GOLGA8M: variants seen among roughly 807,000 people sequenced by gnomAD.
GOLGA8M encodes the protein golgin subfamily A member 8M.
A neutral mutation model predicts 87.7 loss-of-function variants in GOLGA8M; 34 were observed. The observed-to-expected ratio is 0.39, with a 90% CI of 0.29 to 0.52. The LOEUF (loss-of-function observed/expected upper bound fraction) is 0.52. Ranked by LOEUF, GOLGA8M falls within the 20% of genes least tolerant of loss-of-function variation. GOLGA8M has a pLI of 0.80. For missense variants in GOLGA8M, 396 were observed against 682.2 expected (o/e 0.58, Z 4.67); for synonymous variants, 138 against 250.2 (o/e 0.55, Z 4.23).
In GOLGA8M at chr15:28,705,759, A is replaced by G. The variant is rs1406752523; in HGVS notation, c.875-20T>C. On this transcript the variant is annotated intron_variant, in intron 11 of 18. Coordinates refer to ENST00000563027, the MANE Select transcript of GOLGA8M (RefSeq NM_001282468.3). The stretch of plus-strand genomic sequence containing the variant: ...GTTCAGCTGAGAAAGGAAGCAGACA[A>G]TAAGGGCCTCTGGATTCTCGGAAAA... The G allele has an allele frequency of 7.1e-6, 11 of 1,557,410 alleles. No homozygotes were observed. Among genetic ancestry groups the G allele is most frequent in the East Asian group, 3.7e-5 (1 of 27,104 alleles).
chr15:28,708,696 C>G (rs529168990), intron 4 of GOLGA8M, among the ~76,000 whole-genome samples: 6 of 151,892 alleles, frequency 4.0e-5, no homozygotes, highest in Non-Finnish European at 7.4e-5. Context: ...GCCCCTCCTT[C>G]TGGCAGCTTG....
In GOLGA8M at chr15:28,708,090, C is replaced by T. The variant is rs551994395; in HGVS notation, c.396+36G>A. On this transcript the variant is annotated intron_variant, in intron 6 of 18. Coordinates refer to ENST00000563027, the MANE Select transcript of GOLGA8M (RefSeq NM_001282468.3). Reference sequence around the variant, plus strand: ...GAAAGAGAAGGAAAGAAACATTCTCCGGAGGACAGGAGGAAACTGCACACC... The same window carrying T: ...GAAAGAGAAGGAAAGAAACATTCTCTGGAGGACAGGAGGAAACTGCACACC... 3.8e-3 allele frequency: 6,039 copies of T among 1,606,788 alleles called. 185 individuals are homozygous for T. In the African/African-American group the frequency reaches 0.07, roughly 19 times the overall value.
intron 13 of GOLGA8M, among the ~76,000 whole-genome samples, chr15:28,704,819 T>G (rs1390955958): frequency 6.9e-6 from 1 of 145,472 alleles, no homozygotes; most frequent in African/African-American, 2.6e-5. Flanking sequence ...ACTCCCGACC[T>G]CAAGTGATTC....
intron 4 of GOLGA8M, among the ~76,000 whole-genome samples, chr15:28,708,769 T>C (rs2080116426): frequency 6.6e-6 from 1 of 152,078 alleles, no homozygotes; most frequent in South Asian, 2.1e-4. Context: ...CAGGTACGGT[T>C]CTTTACAGCA....
At chr15:28,704,041 C>T in intron 13 of GOLGA8M, 124 bp from the exon 14 acceptor site, 4 of 1,544,736 alleles carry the variant, frequency 2.6e-6, no homozygotes, top group South Asian at 2.3e-5. Context: ...TCGGCCACCG[C>T]TTTGCCTCAA....
chr15:28,707,743 C>G lies in GOLGA8M; in HGVS notation c.591+5G>C. On this transcript the variant is annotated splice_donor_5th_base_variant and intron_variant, in intron 8 of 18. Coordinates refer to ENST00000563027, the MANE Select transcript of GOLGA8M (RefSeq NM_001282468.3). ...CCAGGGGATGGGGCAGGTGGTTGGA[C>G]TCACCTGGTTTGCCTTCTTCTTCTG... The G allele has an allele frequency of 2.6e-6, 4 of 1,544,304 alleles. No individual in the cohort carries two copies. The highest frequency in any genetic ancestry group is 3.5e-6 in the Non-Finnish European group (4 of 1,151,982).
At position 28,702,931 on chromosome 15, in the gene GOLGA8M, G is replaced by A. The variant is rs903837220; in HGVS notation, c.1369-186C>T. 43 of 975,264 alleles carry A rather than the reference G, an allele frequency of 4.4e-5. 1 individual carries two copies. Among genetic ancestry groups the A allele is most frequent in the Non-Finnish European group, 5.0e-5 (41 of 827,520 alleles). The allele number at this position is 975,264 out of a possible 1,614,324, so 60.4% of individuals were successfully genotyped here. On this transcript the variant is annotated intron_variant, in intron 15 of 18. Coordinates refer to ENST00000563027, the MANE Select transcript of GOLGA8M (RefSeq NM_001282468.3). ...CCCTGGGGCTGCAGGGCCTCTGGCT[G>A]CCTCTGGCTCCTTCTGGGCCGAGGC...
intron 1 of GOLGA8M, chr15:28,711,844 C>A (rs2080204583): frequency 1.0e-6 from 1 of 984,682 alleles, no homozygotes; most frequent in East Asian, 1.1e-4. Context: ...GCACAAAGAA[C>A]CCAGGGAGGT....
chr15:28,704,020 G>C, intron 13 of GOLGA8M, 103 bp from the exon 14 acceptor site: 13 of 1,556,868 alleles, frequency 8.4e-6, no homozygotes, highest in African/African-American at 1.4e-5. Context: ...TGCAACTTTT[G>C]GCAGGCCATA....
At chr15:28,712,491 C>G (rs1012866415), upstream of GOLGA8M, among the ~76,000 whole-genome samples, 1 of 151,374 alleles carries the variant, frequency 6.6e-6, no homozygotes. Context: ...TGCTCCAAGC[C>G]CATTGGTCAA....
chr15:28,702,812 G>T (rs1266235986), intron 15 of GOLGA8M, 67 bp from the exon 16 acceptor site: 4 of 1,578,128 alleles, frequency 2.5e-6, no homozygotes, highest in Non-Finnish European at 3.4e-6. Context: ...TTCAAGTCAT[G>T]GAGAAGGTGG....
At chr15:28,708,835 G>C (rs536548302) in intron 4 of GOLGA8M, among the ~76,000 whole-genome samples, 3 of 150,818 alleles carry the variant, frequency 2.0e-5, no homozygotes, top group South Asian at 4.3e-4. Context: ...TTCCATTCTC[G>C]GGGGCCTTTA....
Position 28,702,114 on chromosome 15 carries a change from C to G in GOLGA8M, c.1739G>C (p.Ser580Thr), listed in dbSNP as rs201665783. 9,587 of 1,572,856 alleles carry G rather than the reference C, an allele frequency of 6.1e-3. 63 individuals carry two copies. The highest frequency in any genetic ancestry group is 0.01 in the African/African-American group (726 of 72,452). The change falls in exon 19 of 19, where the codon AGC becomes ACC. Residue 580 changes from serine (S) to threonine (T), a missense_variant. Around this residue, in one of 12 missense-constraint regions of GOLGA8M, gnomAD observed 35 missense variants for 61.4 expected, o/e 0.57. Transcript: ENST00000563027. ...ADKHGDLCEV[S>T]LTSSAQGEAR... Reference sequence around the variant, plus strand: ...CTCTCCTTGGGCAGAGGAGGTGAGGCTCACCTCACAAAGATCTTTGGAGAG... The same window carrying G: ...CTCTCCTTGGGCAGAGGAGGTGAGGGTCACCTCACAAAGATCTTTGGAGAG...
At chr15:28,711,317 C>T (rs1188206500) in intron 1 of GOLGA8M, among the ~76,000 whole-genome samples, 1 of 152,052 alleles carries the variant, frequency 6.6e-6, no homozygotes, top group Non-Finnish European at 1.5e-5. Flanking sequence ...GCAAATGTCA[C>T]TTCAGAGACC....
intron 15 of GOLGA8M, chr15:28,702,975 C>G (rs1187986037): frequency 1.0e-6 from 1 of 962,766 alleles, no homozygotes; most frequent in Non-Finnish European, 1.2e-6. Context: ...GAGCCAGGCG[C>G]TGGCAGCCAC....
rs2079766737 is a variant in GOLGA8M, at chr15:28,700,792, T to C, written c.*1162A>G. On this transcript the variant is annotated 3_prime_UTR_variant, in exon 19 of 19. Transcript: ENST00000563027. ...GAAGAATAGGTATTAGCCAAAGAGG[T>C]CTAGATGGTAAAATCAATCTTCAAG... Among the ~76,000 whole-genome samples, 1 of 151,724 alleles carries C rather than the reference T, an allele frequency of 6.6e-6. No individual in the cohort carries two copies. The highest frequency in any genetic ancestry group is 6.6e-5 in the Admixed American group (1 of 15,242).
Position 28,702,735 on chromosome 15 carries a change from A to C in GOLGA8M, c.1379T>G (p.Met460Arg), listed in dbSNP as rs748904210. ...GTCTGCCTTCTCCTCCAGGTGGTCCATAAAGCTGCTCTGGAGCCAAAATAT... is the reference window on the plus strand; with the variant it reads ...GTCTGCCTTCTCCTCCAGGTGGTCCCTAAAGCTGCTCTGGAGCCAAAATAT... Reference protein sequence around the residue: ...PESREAMSSFMDHLEEKADLS... With the variant: ...PESREAMSSFRDHLEEKADLS... The change falls in exon 16 of 19, where the codon ATG (methionine) becomes AGG (arginine). Residue 460 changes from methionine (M) to arginine (R), a missense_variant. By Grantham distance (91) the Met-to-Arg change is moderately conservative (BLOSUM62 -1). Transcript: ENST00000563027. 3 of 1,600,878 alleles carry C rather than the reference A, an allele frequency of 1.9e-6. No homozygotes were observed. The South Asian group carries it at 3.3e-5, about 18-fold the overall frequency.
chr15:28,707,139 G>T (rs1031630330), intron 8 of GOLGA8M, among the ~76,000 whole-genome samples: 15 of 135,736 alleles, frequency 1.1e-4, no homozygotes, highest in Non-Finnish European at 2.2e-4. Flanking sequence ...AAACACCCAG[G>T]TCTATCCAAT....
rs1276925532 is a variant in GOLGA8M, at chr15:28,702,682, G to A, written c.1432C>T (p.Leu478Phe). The change falls in exon 16 of 19, where the codon CTT (leucine) becomes TTT (phenylalanine). Residue 478 changes from leucine (L) to phenylalanine (F), a missense_variant. This residue lies in a region of GOLGA8M where 173 missense variants were observed against 150.2 expected (regional missense o/e 1.15). Transcript: ENST00000563027. ...DLSELVKKQE[L>F]RFIQYWQERC... ...TCTTGCCAGTATTGAATGAAGCGAA[G>A]TTCTTGTTTCTTCACAAGCTCACTC... 6.2e-7 allele frequency: 1 copy of A among 1,606,276 alleles called. No homozygotes were observed. Among genetic ancestry groups the A allele is most frequent in the Non-Finnish European group, 8.5e-7 (1 of 1,179,540 alleles).
Sources: allele counts gnomAD v4.1 joint callset (sites outside exome capture counted in the v4.1 genomes callset), GRCh38; gene constraint gnomAD v4.1.1; regional missense constraint gnomAD v4.1.1; transcripts MANE v1.5; gene names NCBI Gene and HGNC (gene_info 2026-07-23, HGNC 2026-07-21).